LCLAT1: variants seen among roughly 807,000 people sequenced by gnomAD.
LCLAT1 encodes lysocardiolipin acyltransferase 1, also known as 1-AGP acyltransferase 8.
In LCLAT1, 11 loss-of-function variants were observed where a neutral mutation model predicts 30.7. The ratio of observed to expected loss-of-function variants is 0.36; its 90% CI spans 0.23 to 0.59. The LOEUF (loss-of-function observed/expected upper bound fraction) is 0.59, where lower values mean the gene tolerates loss of function less well. Ranked by LOEUF, LCLAT1 falls within the 20% of genes least tolerant of loss-of-function variation. The pLI is 0.77. For synonymous variants in LCLAT1, 155 were observed against 151.3 expected (o/e 1.02, Z -0.18); for missense variants, 402 against 458.6 (o/e 0.88, Z 1.13).
chr2:30,553,336 G>A (rs1453105442), intron 3 of LCLAT1, among the ~76,000 whole-genome samples: 1 of 152,148 alleles, frequency 6.6e-6, no homozygotes, highest in Non-Finnish European at 1.5e-5. Flanking sequence ...AGAGTATGCC[G>A]AGGGATTATT....
intron 1 of LCLAT1, among the ~76,000 whole-genome samples, chr2:30,518,911 C>T (rs1473938563): frequency 2.6e-5 from 4 of 152,210 alleles, no homozygotes; most frequent in African/African-American, 4.8e-5. Context: ...AGTTCTCATA[C>T]TTGGACACTC....
At chr2:30,560,194 T>C (rs370249131) in intron 3 of LCLAT1, among the ~76,000 whole-genome samples, 2 of 152,178 alleles carry the variant, frequency 1.3e-5, no homozygotes, top group East Asian at 1.9e-4. Flanking sequence ...GCAAGACTTA[T>C]ACACTGAAGT....
intron 3 of LCLAT1, among the ~76,000 whole-genome samples, chr2:30,535,335 G>A (rs1686191237): frequency 6.6e-6 from 1 of 152,152 alleles, no homozygotes; most frequent in Admixed American, 6.5e-5. Flanking sequence ...ACTAAGAGTG[G>A]GGAGAAGAAG....
intron 1 of LCLAT1, among the ~76,000 whole-genome samples, chr2:30,508,386 G>A (rs931133091): frequency 3.3e-5 from 5 of 151,874 alleles, no homozygotes; most frequent in African/African-American, 4.8e-5. Flanking sequence ...ATTGCCTTCC[G>A]GGTTTTTATA....
intron 1 of LCLAT1, among the ~76,000 whole-genome samples, chr2:30,489,672 G>A (rs1454237909): frequency 6.6e-6 from 1 of 152,158 alleles, no homozygotes; most frequent in Non-Finnish European, 1.5e-5. Context: ...TACTACATAG[G>A]CAAGATAAGG....
chr2:30,569,761 T>C (rs1665691230), intron 5 of LCLAT1, among the ~76,000 whole-genome samples: 1 of 152,242 alleles, frequency 6.6e-6, no homozygotes, highest in African/African-American at 2.4e-5. Context: ...TCACATGGTA[T>C]GGTAAACCAA....
intron 3 of LCLAT1, among the ~76,000 whole-genome samples, chr2:30,546,720 A>G (rs544599246): frequency 3.3e-5 from 5 of 152,320 alleles, no homozygotes; most frequent in East Asian, 1.9e-4. Context: ...TTTAAAATCT[A>G]TAATGCCTAA....
intron 5 of LCLAT1, among the ~76,000 whole-genome samples, chr2:30,576,388 T>C (rs766548890): frequency 6.6e-6 from 1 of 152,154 alleles, no homozygotes; most frequent in Non-Finnish European, 1.5e-5. Context: ...AAGGTGTGAG[T>C]AGCTGTGTCA....
At chr2:30,618,709 G>T (rs970128561) in intron 5 of LCLAT1, among the ~76,000 whole-genome samples, 1 of 151,876 alleles carries the variant, frequency 6.6e-6, no homozygotes. Context: ...AAAGCTAAAA[G>T]TTAAAAAAAA....
intron 5 of LCLAT1, among the ~76,000 whole-genome samples, chr2:30,609,674 T>G (rs138683575): frequency 6.6e-6 from 1 of 152,168 alleles, no homozygotes; most frequent in African/African-American, 2.4e-5. Flanking sequence ...CATAACTGTT[T>G]AGGCATTTCA....
intron 3 of LCLAT1, among the ~76,000 whole-genome samples, chr2:30,544,857 G>C (rs1195712304): frequency 2.0e-5 from 3 of 152,078 alleles, no homozygotes; most frequent in Admixed American, 2.0e-4. Flanking sequence ...CTTTACTGCT[G>C]TAGTCATTTT....
intron 5 of LCLAT1, among the ~76,000 whole-genome samples, chr2:30,615,264 C>T (rs1667941132): frequency 6.6e-6 from 1 of 151,856 alleles, no homozygotes; most frequent in Admixed American, 6.6e-5. Flanking sequence ...GGGATTGGCC[C>T]TAAATACATG....
In LCLAT1 at chr2:30,640,398, G is replaced by A. The variant is rs775496768; in HGVS notation, c.910G>A (p.Val304Ile). 3.1e-6 allele frequency: 5 copies of A among 1,614,030 alleles called. No individual in the cohort carries two copies. Among genetic ancestry groups the A allele is most frequent in the Admixed American group, 1.7e-5 (1 of 60,004 alleles). The change falls in exon 6 of 6, where the codon GTC becomes ATC. Residue 304 changes from valine (V) to isoleucine (I), a missense_variant. Val to Ile is a conservative substitution (Grantham distance 29). Transcript: ENST00000379509. The stretch of plus-strand genomic sequence containing the variant: ...TCCACCTTGCAAGTCTGAACTCAGG[G>A]TCCTTGTGGTCAAATTGCTCTCTAT... Reference protein sequence around the residue: ...VIPPCKSELRVLVVKLLSILY... With the variant: ...VIPPCKSELRILVVKLLSILY...
rs368921412 is a variant in LCLAT1 at position 30,549,048 on chromosome 2, A to G, written c.365-13098A>G. On this transcript the variant is annotated intron_variant, in intron 3 of 5. Coordinates refer to ENST00000379509, the MANE Select transcript of LCLAT1 (RefSeq NM_001002257.3). ...CAGGATTACCTTTCTTTCTAGAATG[A>G]CATTGAGAACTAAGTAATTTTTTAG... Among the ~76,000 whole-genome samples, 7 of 152,360 alleles carry G rather than the reference A, an allele frequency of 4.6e-5. 1 individual carries two copies. Among genetic ancestry groups the G allele is most frequent in the African/African-American group, 1.7e-4 (7 of 41,586 alleles).
At chr2:30,508,924 G>T (rs1193943700) in intron 1 of LCLAT1, among the ~76,000 whole-genome samples, 1 of 152,034 alleles carries the variant, frequency 6.6e-6, no homozygotes, top group East Asian at 1.9e-4. Context: ...CCATTTGTTT[G>T]TGTCATCTCT....
chr2:30,609,169 A>G (rs1233221154), intron 5 of LCLAT1, among the ~76,000 whole-genome samples: 1 of 151,416 alleles, frequency 6.6e-6, no homozygotes, highest in Non-Finnish European at 1.5e-5. Flanking sequence ...TATGTTCTAG[A>G]TATAATCCCT....
intron 3 of LCLAT1, among the ~76,000 whole-genome samples, chr2:30,558,267 T>C (rs1051244571): frequency 1.3e-5 from 2 of 152,114 alleles, no homozygotes; most frequent in African/African-American, 4.8e-5. Context: ...AGAGGTACTT[T>C]ACAATGAAGA....
intron 1 of LCLAT1, among the ~76,000 whole-genome samples, chr2:30,481,728 G>A (rs538524584): frequency 6.6e-6 from 1 of 152,294 alleles, no homozygotes; most frequent in African/African-American, 2.4e-5. Flanking sequence ...AGTTGATTGA[G>A]GAGGGAATGG....
intron 1 of LCLAT1, among the ~76,000 whole-genome samples, chr2:30,449,055 G>A (rs1681412556): frequency 6.6e-6 from 1 of 152,196 alleles, no homozygotes; most frequent in Non-Finnish European, 1.5e-5. Flanking sequence ...ATCACTGTGA[G>A]GCGGATACAT....
Sources: gnomAD v4.1 joint callset for allele counts (sites outside exome capture counted in the v4.1 genomes callset) on GRCh38, gnomAD v4.1.1 for gene constraint, MANE v1.5 for transcripts, NCBI Gene and HGNC (gene_info 2026-07-23, HGNC 2026-07-21) for gene names.